Variants in AFF2 observed in about 807,000 individuals in gnomAD.
AFF2 encodes the protein ALF transcription elongation factor 2, also known as AF4/FMR2 family member 2.
A neutral mutation model predicts 76.9 loss-of-function variants in AFF2; 14 were observed. The ratio of observed to expected loss-of-function variants is 0.18; its 90% CI spans 0.12 to 0.28. The LOEUF is 0.28. AFF2 is among the 10% of genes least tolerant of loss of function. AFF2 has a pLI of 1.00. For synonymous variants in AFF2, 398 were observed against 366.7 expected (o/e 1.09, Z -0.98); for missense variants, 868 against 1,001.1 (o/e 0.87, Z 1.79).
chrX:148,905,023 C>T (rs1445959424), intron 9 of AFF2, among the ~76,000 whole-genome samples: 5 of 112,111 alleles, frequency 4.5e-5, no homozygotes, highest in African/African-American at 1.6e-4. Context: ...GGTAATATCA[C>T]ATCTCGAGGA....
chrX:148,642,754 A>G (rs1336686205), intron 1 of AFF2, among the ~76,000 whole-genome samples: 6 of 112,265 alleles, frequency 5.3e-5, no homozygotes, highest in African/African-American at 1.6e-4. Context: ...GGCCTGAGGA[A>G]AGAGGAAAAG....
At chrX:148,853,759 C>T (rs1037269434) in intron 7 of AFF2, among the ~76,000 whole-genome samples, 1 of 111,714 alleles carries the variant, frequency 9.0e-6, no homozygotes, top group Non-Finnish European at 1.9e-5. Flanking sequence ...TGTCAGAGAG[C>T]GATAGACTTA....
Position 148,704,788 on chromosome X carries a change from A to G in AFF2, c.1041+42020A>G, listed in dbSNP as rs781869186. Reference sequence around the variant, plus strand: ...GCAATCCACCCGCCTCGGCCTCCCAAAGTGCTAGGATTACAGGTGTGAGCC... The same window carrying G: ...GCAATCCACCCGCCTCGGCCTCCCAGAGTGCTAGGATTACAGGTGTGAGCC... On this transcript the variant is annotated intron_variant, in intron 3 of 20. Transcript: ENST00000370460. 5.5e-5 allele frequency among the ~76,000 whole-genome samples: 6 copies of G among 108,601 alleles called. No homozygotes were observed. The South Asian group carries it at 2.0e-3, about 36-fold the overall frequency. 94.3% of individuals were successfully genotyped at this position (108,601 alleles called of 115,157 possible). A position where few individuals can be genotyped will look rare whatever the true frequency, so the allele number is the denominator to read the frequency against.
intron 2 of AFF2, among the ~76,000 whole-genome samples, chrX:148,657,677 A>G (rs782082568): frequency 8.9e-6 from 1 of 112,589 alleles, no homozygotes; most frequent in South Asian, 3.7e-4. Context: ...TCCTGATGAT[A>G]GAGAAATTGT....
intron 3 of AFF2, among the ~76,000 whole-genome samples, chrX:148,769,649 G>T (rs1202422750): frequency 9.0e-6 from 1 of 110,746 alleles, no homozygotes; most frequent in East Asian, 2.8e-4. Flanking sequence ...GTTTCAATGA[G>T]AATCCAGAAC....
At chrX:148,806,670 T>C (rs1434348684) in intron 3 of AFF2, among the ~76,000 whole-genome samples, 1 of 112,103 alleles carries the variant, frequency 8.9e-6, no homozygotes, top group Admixed American at 9.4e-5. Flanking sequence ...ATGGGAGAGC[T>C]GATGAATAGG....
chrX:148,630,933 T>A (rs2053973939), intron 1 of AFF2, among the ~76,000 whole-genome samples: 2 of 112,175 alleles, frequency 1.8e-5, no homozygotes, highest in Admixed American at 9.5e-5. Flanking sequence ...GAAATCAAGG[T>A]CATTTGGCCA....
In AFF2 at chrX:149,000,052, A is replaced by G. The variant is rs782449448; in HGVS notation, c.*8720A>G. 8.9e-5 allele frequency: 10 copies of G among 111,897 alleles called. No homozygotes were observed. The East Asian group carries it at 2.8e-3, about 32-fold the overall frequency. The allele number at this position is 111,897 out of a possible 1,213,427, so 9.2% of individuals were successfully genotyped here. ...AAGTAGAGGAGCAGAACCATCAGGA[A>G]CAGCCTGCCTGGCTCCTATGAAGAA... On this transcript the variant is annotated 3_prime_UTR_variant, in exon 21 of 21. Transcript: ENST00000370460.
At chrX:148,846,794 A>G (rs1360057065) in intron 7 of AFF2, among the ~76,000 whole-genome samples, 2 of 112,301 alleles carry the variant, frequency 1.8e-5, no homozygotes, top group African/African-American at 6.5e-5. Context: ...ACACAGTAAT[A>G]TCATGGCTGT....
Position 148,997,193 on chromosome X carries a change from C to G in AFF2, c.*5861C>G, listed in dbSNP as rs2072612726. 9.0e-6 allele frequency: 1 copy of G among 111,495 alleles called. No homozygotes were observed. Among genetic ancestry groups the G allele is most frequent in the Non-Finnish European group, 1.9e-5 (1 of 53,082 alleles). The allele number at this position is 111,495 out of a possible 1,213,427, so 9.2% of individuals were successfully genotyped here. On this transcript the variant is annotated 3_prime_UTR_variant, in exon 21 of 21. Coordinates refer to ENST00000370460, the MANE Select transcript of AFF2 (RefSeq NM_002025.4). Reference sequence around the variant, plus strand: ...ACTATTCAGAAACAATAATCCAAACCAAAATAATTCTTTTTCCACCCAGTA... The same window carrying G: ...ACTATTCAGAAACAATAATCCAAACGAAAATAATTCTTTTTCCACCCAGTA...
intron 9 of AFF2, among the ~76,000 whole-genome samples, chrX:148,941,974 GC>G (rs1389376205): frequency 1.6e-4 from 18 of 109,846 alleles, no homozygotes; most frequent in African/African-American, 5.0e-4. Context: ...AATTTATCAT[GC>G]CGGTCACCCT....
chrX:148,840,101 A>G (rs2070580788), intron 5 of AFF2, among the ~76,000 whole-genome samples: 1 of 111,197 alleles, frequency 9.0e-6, no homozygotes, highest in African/African-American at 3.3e-5. Context: ...GAAAAACCTC[A>G]CAAGGAAGGG....
At chrX:148,785,252 TC>T (rs1249353453) in intron 3 of AFF2, among the ~76,000 whole-genome samples, 4 of 112,020 alleles carry the variant, frequency 3.6e-5, no homozygotes. Context: ...TTACTATCTT[TC>T]TCTGTCATCC....
intron 7 of AFF2, among the ~76,000 whole-genome samples, chrX:148,855,515 G>C (rs957518470): frequency 8.0e-5 from 9 of 112,338 alleles, no homozygotes; most frequent in Non-Finnish European, 1.7e-4. Flanking sequence ...TGAGTGTAAA[G>C]TGAAAGAATG....
chrX:148,942,784 C>A (rs1293889195), intron 9 of AFF2, among the ~76,000 whole-genome samples: 1 of 103,108 alleles, frequency 9.7e-6, no homozygotes, highest in Non-Finnish European at 2.0e-5. Flanking sequence ...CCACTGCACT[C>A]CAGCCCAGGC....
intron 1 of AFF2, among the ~76,000 whole-genome samples, chrX:148,615,787 C>A (rs1348551052): frequency 9.0e-6 from 1 of 111,248 alleles, no homozygotes; most frequent in Non-Finnish European, 1.9e-5. Context: ...TCCATCACAG[C>A]AAATGTCTCA....
intron 7 of AFF2, among the ~76,000 whole-genome samples, chrX:148,856,850 G>A (rs1569556274): frequency 8.9e-6 from 1 of 112,325 alleles, no homozygotes; most frequent in African/African-American, 3.2e-5. Flanking sequence ...AAAGGAAGTC[G>A]TCTGAATAAG....
intron 8 of AFF2, among the ~76,000 whole-genome samples, chrX:148,886,366 T>A (rs1047068713): frequency 9.0e-6 from 1 of 111,362 alleles, no homozygotes; most frequent in African/African-American, 3.3e-5. Context: ...CCATACTCAT[T>A]AATTTAGATA....
rs371937934 is a variant in AFF2, at chrX:148,942,229, T to C, written c.1398-11351T>C. Among the ~76,000 whole-genome samples the C allele has an allele frequency of 5.6e-5, 6 of 107,772 alleles. No homozygotes were observed. The East Asian group carries it at 8.9e-4, about 16-fold the overall frequency. The allele number at this position is 107,772 out of a possible 115,157, so 93.6% of individuals were successfully genotyped here. On this transcript the variant is annotated intron_variant, in intron 9 of 20. Coordinates refer to ENST00000370460, the MANE Select transcript of AFF2 (RefSeq NM_002025.4). ...GAGAGGGGAAACGTGCCACTGTAGA[T>C]AGAGCAAACAGGATAAGCAAAGGCA...
Sources: allele counts gnomAD v4.1 joint callset (sites outside exome capture counted in the v4.1 genomes callset), GRCh38; gene constraint gnomAD v4.1.1; transcripts MANE v1.5; gene names NCBI Gene and HGNC (gene_info 2026-07-23, HGNC 2026-07-21).